Variants in WDR64 observed in about 807,000 individuals in gnomAD.
The protein encoded by WDR64 is WD repeat domain 64.
Under a neutral mutation model 139.3 loss-of-function variants are expected in WDR64, and 112 were observed. The observed-to-expected ratio is 0.80, with a 90% CI of 0.69 to 0.94. WDR64 has a LOEUF of 0.94. Ranked by LOEUF, WDR64 falls within the 40% of genes least tolerant of loss-of-function variation. The pLI is 0.00. For synonymous variants in WDR64, 444 were observed against 437.7 expected, an observed-to-expected ratio of 1.01 and a Z score of -0.18; for missense variants, 1,206 against 1,293.1, an observed-to-expected ratio of 0.93 and a Z score of 1.03.
chr1:241,752,960 G>C (rs544196153), intron 14 of WDR64, among the ~76,000 whole-genome samples: 1 of 152,290 alleles, frequency 6.6e-6, no homozygotes, highest in South Asian at 2.1e-4. Context: ...TCACTCTTGA[G>C]ATATTGCTGA....
rs76254601 is a variant in WDR64, at chr1:241,749,639, C to G, written c.1687C>G (p.Arg563Gly). The G allele has an allele frequency of 1.2e-6, 2 of 1,613,984 alleles. No individual in the cohort carries two copies. The highest frequency in any genetic ancestry group is 8.5e-7 in the Non-Finnish European group (1 of 1,180,028). Residue 563 changes from arginine to glycine, a missense_variant, in exon 14 of 28, where the codon CGC (arginine) becomes GGC (glycine). Coordinates refer to ENST00000437684, the MANE Select transcript of WDR64 (RefSeq NM_001367482.1). ...GAAGGAGGACGAGCACTGCCTACGACGCCTCATTTTCCTCAAAGCCCAAGA... is the reference window on the plus strand; with the variant it reads ...GAAGGAGGACGAGCACTGCCTACGAGGCCTCATTTTCCTCAAAGCCCAAGA... ...DWKEDEHCLR[R>G]LIFLKAQEKH...
At chr1:241,657,652 AGAGGCCT>A (rs1665662719) in intron 1 of WDR64, among the ~76,000 whole-genome samples, 5 of 152,156 alleles carry the variant, frequency 3.3e-5, no homozygotes, top group Admixed American at 6.6e-5. Context: ...ACCTCCTTAA[AGAGGCCT>A]TCCCTGAGGT....
intron 12 of WDR64, among the ~76,000 whole-genome samples, chr1:241,743,845 T>C (rs1669646722): frequency 6.6e-6 from 1 of 152,138 alleles, no homozygotes; most frequent in Non-Finnish European, 1.5e-5. Flanking sequence ...AGTCTCTTTC[T>C]CTCTGTCTCT....
In WDR64 at chr1:241,790,679, T is replaced by C; in HGVS notation, c.2980T>C (p.Ser994Pro). Residue 994 changes from serine to proline, a missense_variant, in exon 25 of 28, where the codon TCT (serine) becomes CCT (proline). Transcript: ENST00000437684. ...EVEQDFKFFK[S>P]LSSPKIRRYP... is the part of the protein sequence containing the mutation. ...GGAACAGGATTTCAAGTTTTTCAAG[T>C]CTCTTTCTTCTCCTAAGGTAGCTTA... is the stretch of plus-strand genomic sequence containing the variant. The C allele has an allele frequency of 6.2e-7, 1 of 1,601,132 alleles. No individual in the cohort carries two copies. The highest frequency in any genetic ancestry group is 8.5e-7 in the Non-Finnish European group (1 of 1,176,642).
At chr1:241,705,638 A>G (rs1332069682) in intron 8 of WDR64, among the ~76,000 whole-genome samples, 1 of 151,688 alleles carries the variant, frequency 6.6e-6, no homozygotes, top group Non-Finnish European at 1.5e-5. Context: ...CCTGGACTGG[A>G]GGGCAGGGGC....
intron 10 of WDR64, among the ~76,000 whole-genome samples, chr1:241,728,163 T>C (rs1157543835): frequency 6.6e-6 from 1 of 151,848 alleles, no homozygotes; most frequent in Non-Finnish European, 1.5e-5. Context: ...TGGAACCCTG[T>C]CACTACTAAA....
intron 25 of WDR64, among the ~76,000 whole-genome samples, chr1:241,792,172 G>A (rs1659231239): frequency 6.6e-6 from 1 of 152,102 alleles, no homozygotes; most frequent in Non-Finnish European, 1.5e-5. Context: ...AGTTCCCCGG[G>A]ATGTCCTTGC....
chr1:241,707,124 T>C (rs1056263682), intron 8 of WDR64, among the ~76,000 whole-genome samples: 8 of 152,180 alleles, frequency 5.3e-5, no homozygotes, highest in Non-Finnish European at 1.0e-4. Flanking sequence ...CCTGCCTGGC[T>C]GCTGCAGACT....
chr1:241,802,621 C>T lies in WDR64; in HGVS notation c.*1406C>T, dbSNP rs145879259. Among the ~76,000 whole-genome samples, 718 of 152,194 alleles carry T rather than the reference C, an allele frequency of 4.7e-3. 4 individuals are homozygous for T. The highest frequency in any genetic ancestry group is 7.5e-3 in the Non-Finnish European group (508 of 67,988). On this transcript the variant is annotated 3_prime_UTR_variant, in exon 28 of 28. Transcript: ENST00000437684. Reference sequence around the variant, plus strand: ...ATGCTAATAGGATTACTAGTGTCTTCCACTTACTTTGAAATGAATCAAAAA... The same window carrying T: ...ATGCTAATAGGATTACTAGTGTCTTTCACTTACTTTGAAATGAATCAAAAA...
chr1:241,774,245 G>A (rs1428060178), intron 20 of WDR64, among the ~76,000 whole-genome samples: 1 of 152,172 alleles, frequency 6.6e-6, no homozygotes, highest in African/African-American at 2.4e-5. Context: ...GAACCGCATG[G>A]CTTTCTGCCA....
At chr1:241,705,569 AAT>A (rs1491126288) in intron 8 of WDR64, among the ~76,000 whole-genome samples, 109 of 140,704 alleles carry the variant, frequency 7.7e-4, no homozygotes, top group African/African-American at 1.5e-3. Context: ...AAATAATAAT[AAT>A]AATAATAATA....
chr1:241,771,700 C>A lies in WDR64; in HGVS notation c.2290+3C>A. Reference sequence around the variant, plus strand: ...CATACATGACAGTGAGGTTAAAGGTCAGTATGAAATCACCTCTCTTCTTTA... The same window carrying A: ...CATACATGACAGTGAGGTTAAAGGTAAGTATGAAATCACCTCTCTTCTTTA... On this transcript the variant is annotated splice_donor_region_variant and intron_variant, in intron 19 of 27. Transcript: ENST00000437684. 6.8e-7 allele frequency: 1 copy of A among 1,476,332 alleles called. No homozygotes were observed. Among genetic ancestry groups the A allele is most frequent in the South Asian group, 1.4e-5 (1 of 69,410 alleles). 91.5% of individuals were successfully genotyped at this position (1,476,332 alleles called of 1,614,324 possible). A position where few individuals can be genotyped will look rare whatever the true frequency, so the allele number is the denominator to read the frequency against.
intron 23 of WDR64, among the ~76,000 whole-genome samples, chr1:241,787,268 G>C (rs1446015353): frequency 6.7e-6 from 1 of 150,364 alleles, no homozygotes; most frequent in Non-Finnish European, 1.5e-5. Flanking sequence ...GGAGGCTGAG[G>C]CAGGAGAATG....
intron 17 of WDR64, 83 bp downstream of exon 17, chr1:241,769,588 T>C: frequency 2.5e-6 from 3 of 1,211,530 alleles, no homozygotes; most frequent in Non-Finnish European, 1.2e-6. Context: ...TTAATTGTGG[T>C]TTTTGCCATT....
At chr1:241,731,060 C>T (rs1184085693) in intron 10 of WDR64, among the ~76,000 whole-genome samples, 1 of 152,138 alleles carries the variant, frequency 6.6e-6, no homozygotes, top group African/African-American at 2.4e-5. Context: ...ATCTATATTG[C>T]TTTACAAAGC....
intron 22 of WDR64, among the ~76,000 whole-genome samples, chr1:241,781,706 G>A (rs1359551438): frequency 6.6e-6 from 1 of 152,046 alleles, no homozygotes; most frequent in African/African-American, 2.4e-5. Flanking sequence ...TCCATTAAGG[G>A]GTCATGAAAT....
At chr1:241,666,181 C>G (rs892073728) in intron 2 of WDR64, among the ~76,000 whole-genome samples, 1 of 152,048 alleles carries the variant, frequency 6.6e-6, no homozygotes, top group Admixed American at 6.5e-5. Context: ...TGATAAAATA[C>G]TCAAATCTTG....
intron 24 of WDR64, among the ~76,000 whole-genome samples, chr1:241,788,920 C>T (rs568024772): frequency 2.6e-5 from 4 of 152,192 alleles, no homozygotes; most frequent in South Asian, 4.1e-4. Flanking sequence ...TTACTTTGGG[C>T]AATTGCTTAG....
At chr1:241,681,368 G>T (rs576591486) in intron 6 of WDR64, among the ~76,000 whole-genome samples, 1 of 152,202 alleles carries the variant, frequency 6.6e-6, no homozygotes, top group East Asian at 1.9e-4. Flanking sequence ...GAGAATATAT[G>T]ATGTTTGGTT....
Sources: gnomAD v4.1 joint callset for allele counts (sites outside exome capture counted in the v4.1 genomes callset) on GRCh38, gnomAD v4.1.1 for gene constraint, MANE v1.5 for transcripts, NCBI Gene and HGNC (gene_info 2026-07-23, HGNC 2026-07-21) for gene names.